Variants in PTPRN2 observed in about 807,000 individuals in gnomAD.
PTPRN2 encodes the protein protein tyrosine phosphatase receptor type N2.
PTPRN2 carries 74 observed loss-of-function variants against 118.8 expected under a neutral mutation model. The ratio of observed to expected loss-of-function variants is 0.62; its 90% confidence interval spans 0.52 to 0.76. The LOEUF (loss-of-function observed/expected upper bound fraction) is 0.76, where lower values mean the gene tolerates loss of function less well. Among genes scored for constraint, PTPRN2 ranks in the 30% least tolerant of loss-of-function variants. The pLI is 0.00. For synonymous variants in PTPRN2, 641 were observed against 608.0 expected (o/e 1.05, Z -0.80); for missense variants, 1,481 against 1,394.4 (o/e 1.06, Z -0.99).
In PTPRN2 at chr7:157,767,235, A is replaced by C. The variant is rs1366833475; in HGVS notation, c.1789-84298T>G. ...ACACAGCACTCCACGTCCATCATCC[A>C]TCTGTGGCTTATGAACGCCTTGTAC... On this transcript the variant is annotated intron_variant, in intron 12 of 22. Transcript: ENST00000389418. 2.6e-5 allele frequency among the ~76,000 whole-genome samples: 4 copies of C among 152,114 alleles called. No individual in the cohort carries two copies. In the South Asian group the frequency reaches 6.2e-4, roughly 24 times the overall value.
chr7:158,548,131 A>G (rs559842580), intron 1 of PTPRN2, among the ~76,000 whole-genome samples: 1 of 152,202 alleles, frequency 6.6e-6, no homozygotes, highest in Non-Finnish European at 1.5e-5. Context: ...TCCACTCTGC[A>G]TTGTCCATGC....
intron 3 of PTPRN2, among the ~76,000 whole-genome samples, chr7:158,236,671 C>A (rs1021459529): frequency 6.6e-6 from 1 of 152,210 alleles, no homozygotes; most frequent in Non-Finnish European, 1.5e-5. Flanking sequence ...CCTGGCCCCC[C>A]AGTTACCCAG....
Position 158,509,281 on chromosome 7 carries a change from A to G in PTPRN2, c.113-19496T>C, listed in dbSNP as rs1823008875. 6.6e-6 allele frequency among the ~76,000 whole-genome samples: 1 copy of G among 152,210 alleles called. No individual in the cohort carries two copies. The highest frequency in any genetic ancestry group is 1.5e-5 in the Non-Finnish European group (1 of 68,024). ...CACTTCCTTTCCTTGCCGGCCCGTC[A>G]GTCACAGCATCGGAAGAATGAATAG... On this transcript the variant is annotated intron_variant, in intron 1 of 22. Coordinates refer to ENST00000389418, the MANE Select transcript of PTPRN2 (RefSeq NM_002847.5). This position sits in a 1 kb window ranked among gnomAD's most constrained non-coding sequence, Gnocchi z 4.4.
chr7:158,071,767 TG>T (rs1234116081), intron 11 of PTPRN2, among the ~76,000 whole-genome samples: 10 of 128,696 alleles, frequency 7.8e-5, no homozygotes, highest in Admixed American at 2.3e-4. Flanking sequence ...GTGCTCGTGG[TG>T]ATGGAGGTGC....
chr7:157,994,592 C>G (rs1338979789), intron 11 of PTPRN2, among the ~76,000 whole-genome samples: 1 of 123,708 alleles, frequency 8.1e-6, no homozygotes, highest in Non-Finnish European at 1.7e-5. Context: ...GTTCCTAAAT[C>G]AATGCCGCGT....
At chr7:158,262,757 A>C (rs1254402222) in intron 3 of PTPRN2, among the ~76,000 whole-genome samples, 4 of 147,690 alleles carry the variant, frequency 2.7e-5, no homozygotes, top group Admixed American at 6.9e-5. Flanking sequence ...ATATACACAC[A>C]CTGCACACAC....
chr7:158,256,097 G>T (rs546701985), intron 3 of PTPRN2, among the ~76,000 whole-genome samples: 1 of 152,194 alleles, frequency 6.6e-6, no homozygotes, highest in Non-Finnish European at 1.5e-5. Flanking sequence ...GGGATGTCCC[G>T]TGTCTACTGC....
intron 6 of PTPRN2, among the ~76,000 whole-genome samples, chr7:158,145,376 G>C (rs543519011): frequency 1.3e-5 from 2 of 152,198 alleles, no homozygotes; most frequent in South Asian, 2.1e-4. Flanking sequence ...TCACATCATC[G>C]TGAGAAGGGG....
intron 1 of PTPRN2, among the ~76,000 whole-genome samples, chr7:158,545,637 G>C (rs1237748811): frequency 2.6e-5 from 4 of 152,192 alleles, no homozygotes; most frequent in African/African-American, 9.6e-5. Flanking sequence ...CAGAGCAAGT[G>C]ACCAGCACAT....
chr7:157,785,636 C>T lies in PTPRN2; in HGVS notation c.1789-102699G>A, dbSNP rs545008740. Among the ~76,000 whole-genome samples, 10 of 152,266 alleles carry T rather than the reference C, an allele frequency of 6.6e-5. No individual in the cohort carries two copies. The South Asian group carries it at 1.2e-3, about 19-fold the overall frequency. On this transcript the variant is annotated intron_variant, in intron 12 of 22. Coordinates refer to ENST00000389418, the MANE Select transcript of PTPRN2 (RefSeq NM_002847.5). The surrounding 1 kb of genome is among the most constrained non-coding windows in gnomAD (Gnocchi z 7.3). Reference sequence around the variant, plus strand: ...GACCAGGGTCCCTGCTTTCTGCAGACGGTGGGCAGAGGGCAGAGACGGAGA... The same window carrying T: ...GACCAGGGTCCCTGCTTTCTGCAGATGGTGGGCAGAGGGCAGAGACGGAGA...
chr7:158,262,955 TAC>T (rs1335779228), intron 3 of PTPRN2, among the ~76,000 whole-genome samples: 41 of 117,474 alleles, frequency 3.5e-4, no homozygotes, highest in Admixed American at 9.3e-4. Flanking sequence ...TTCACACACA[TAC>T]ACACATTCAC....
intron 12 of PTPRN2, among the ~76,000 whole-genome samples, chr7:157,733,369 T>C (rs545343603): frequency 1.6e-4 from 7 of 44,012 alleles, no homozygotes; most frequent in South Asian, 7.6e-4. Context: ...GTTACTCTTT[T>C]CCGTCCCATG....
chr7:157,545,196 GGT>G (rs1316542543), intron 22 of PTPRN2, among the ~76,000 whole-genome samples: 3 of 148,766 alleles, frequency 2.0e-5, no homozygotes, highest in Non-Finnish European at 4.5e-5. Flanking sequence ...GGTGTCTGTG[GGT>G]GTGTGTGCAA....
At chr7:158,124,220 C>T (rs550869162) in intron 9 of PTPRN2, among the ~76,000 whole-genome samples, 3 of 152,338 alleles carry the variant, frequency 2.0e-5, no homozygotes, top group Admixed American at 6.5e-5. Flanking sequence ...AAAGAAGTGC[C>T]GCCAATGCCA....
At chr7:158,008,133 G>A (rs1805789315) in intron 11 of PTPRN2, among the ~76,000 whole-genome samples, 1 of 90,780 alleles carries the variant, frequency 1.1e-5, no homozygotes, top group Admixed American at 1.2e-4. Context: ...GTGTGTACAT[G>A]TACACATGTG....
chr7:157,658,852 G>A (rs909981445), intron 13 of PTPRN2, among the ~76,000 whole-genome samples: 4 of 152,178 alleles, frequency 2.6e-5, no homozygotes, highest in African/African-American at 9.6e-5. Context: ...GGGGAACCTC[G>A]TGGGCTGCTG....
chr7:157,927,845 A>G (rs746603951), intron 11 of PTPRN2, among the ~76,000 whole-genome samples: 4 of 152,002 alleles, frequency 2.6e-5, no homozygotes, highest in Non-Finnish European at 5.9e-5. Flanking sequence ...TGGGATGTTT[A>G]CGAGTTCTTA....
chr7:158,142,727 T>TC (rs1429945025), intron 6 of PTPRN2, among the ~76,000 whole-genome samples: 1 of 151,978 alleles, frequency 6.6e-6, no homozygotes, highest in African/African-American at 2.4e-5. Context: ...GGAAAATACA[T>TC]CTCACTTTCT....
chr7:158,354,534 C>CA (rs1367577792), intron 2 of PTPRN2, among the ~76,000 whole-genome samples: 5 of 152,058 alleles, frequency 3.3e-5, no homozygotes, highest in African/African-American at 1.2e-4. Flanking sequence ...AGTCTTGAAA[C>CA]AAAAATACAT....
Sources: gnomAD v4.1 joint callset for allele counts (sites outside exome capture counted in the v4.1 genomes callset) on GRCh38, gnomAD v4.1.1 for gene constraint, Gnocchi (gnomAD v3.1) non-coding constraint, MANE v1.5 for transcripts, NCBI Gene and HGNC (gene_info 2026-07-23, HGNC 2026-07-21) for gene names.